CALN1: variants seen among roughly 807,000 people sequenced by gnomAD.
The protein encoded by CALN1 is calcium-binding protein 8.
Under a neutral mutation model 30.6 loss-of-function variants are expected in CALN1, and 17 were observed. The ratio of observed to expected loss-of-function variants is 0.56; its 90% confidence interval spans 0.38 to 0.83. The LOEUF is 0.83. Ranked by LOEUF, CALN1 falls within the 40% of genes least tolerant of loss-of-function variation. CALN1 has a pLI of 0.00. For missense variants in CALN1, 291 were observed against 354.9 expected (o/e 0.82, Z 1.45); for synonymous variants, 156 against 131.4 (o/e 1.19, Z -1.28).
intron 2 of CALN1, among the ~76,000 whole-genome samples, chr7:72,308,493 T>C (rs947945322): frequency 6.6e-6 from 1 of 151,776 alleles, no homozygotes; most frequent in Admixed American, 6.6e-5. Flanking sequence ...TCAAGCCCAA[T>C]GTCAGATATA....
At chr7:72,344,440 C>A (rs1397244126) in intron 2 of CALN1, among the ~76,000 whole-genome samples, 2 of 151,484 alleles carry the variant, frequency 1.3e-5, no homozygotes, top group Non-Finnish European at 2.9e-5. Context: ...ATGTATGGTG[C>A]CACTTTTGAA....
intron 2 of CALN1, among the ~76,000 whole-genome samples, chr7:72,399,654 C>T (rs147326182): frequency 3.3e-3 from 508 of 152,212 alleles, no homozygotes; most frequent in Non-Finnish European, 6.1e-3. Context: ...CAACTTAAGC[C>T]TTAATAGCAA....
intron 3 of CALN1, among the ~76,000 whole-genome samples, chr7:72,244,867 A>G (rs1354750735): frequency 1.3e-5 from 2 of 152,134 alleles, no homozygotes; most frequent in Non-Finnish European, 2.9e-5. Flanking sequence ...GAGAGAGAGG[A>G]AAAGCAAATT....
intron 3 of CALN1, among the ~76,000 whole-genome samples, chr7:72,167,691 G>C (rs1788626526): frequency 6.6e-6 from 1 of 152,170 alleles, no homozygotes; most frequent in South Asian, 2.1e-4. Flanking sequence ...TGAATTTGAA[G>C]AATCATTTAA....
chr7:71,830,824 A>C (rs559887341), intron 5 of CALN1, among the ~76,000 whole-genome samples: 118 of 152,290 alleles, frequency 7.7e-4, no homozygotes, highest in African/African-American at 2.8e-3. Flanking sequence ...TGTTATGTGG[A>C]TAGAACTCTT....
intron 2 of CALN1, among the ~76,000 whole-genome samples, chr7:72,382,756 G>A (rs1804980120): frequency 6.6e-6 from 1 of 152,092 alleles, no homozygotes; most frequent in African/African-American, 2.4e-5. Context: ...TAGCATGATA[G>A]TCTCCCAGGT....
chr7:71,852,464 C>T (rs1263463895), intron 5 of CALN1, among the ~76,000 whole-genome samples: 1 of 130,658 alleles, frequency 7.7e-6, no homozygotes. Context: ...TAGTGAGACC[C>T]TGTCTCTAAA....
chr7:72,249,474 T>C (rs1795403952), intron 3 of CALN1, among the ~76,000 whole-genome samples: 1 of 151,418 alleles, frequency 6.6e-6, no homozygotes, highest in South Asian at 2.1e-4. Context: ...AAGGCACACT[T>C]TTCCCCCAGA....
intron 5 of CALN1, among the ~76,000 whole-genome samples, chr7:71,947,583 C>T (rs1796469640): frequency 6.6e-6 from 1 of 152,038 alleles, no homozygotes; most frequent in Admixed American, 6.6e-5. Flanking sequence ...GTTTTTTCTT[C>T]TTCTAAAAAT....
At chr7:72,025,904 C>T (rs1041893781) in intron 4 of CALN1, among the ~76,000 whole-genome samples, 1 of 152,006 alleles carries the variant, frequency 6.6e-6, no homozygotes, top group Admixed American at 6.6e-5. Context: ...AACAGATTGT[C>T]CAGGAACAGA....
chr7:71,876,830 C>T (rs908365023), intron 5 of CALN1, among the ~76,000 whole-genome samples: 14 of 152,128 alleles, frequency 9.2e-5, no homozygotes, highest in South Asian at 4.1e-4. Flanking sequence ...ACTAATGCTC[C>T]GACCCACCAC....
In CALN1 at chr7:71,902,938, T is replaced by A. The variant is rs144776988; in HGVS notation, c.502-92446A>T. Among the ~76,000 whole-genome samples the A allele has an allele frequency of 2.6e-3, 401 of 151,856 alleles. 5 individuals carry two copies. The highest frequency in any genetic ancestry group is 0.014 in the Middle Eastern group (4 of 294). On this transcript the variant is annotated intron_variant, in intron 5 of 6. Coordinates refer to ENST00000395275, the MANE Select transcript of CALN1 (RefSeq NM_031468.4). ...GCTAAACAGTGTATACACATGGACATAGAGAGTAGAATAGTAGACATTGGA... is the reference window on the plus strand; with the variant it reads ...GCTAAACAGTGTATACACATGGACAAAGAGAGTAGAATAGTAGACATTGGA...
chr7:71,994,474 T>C (rs1451572212), intron 5 of CALN1, among the ~76,000 whole-genome samples: 1 of 134,494 alleles, frequency 7.4e-6, no homozygotes, highest in Non-Finnish European at 1.5e-5. Context: ...ATCGTGCCAC[T>C]GCACTCCACC....
intron 4 of CALN1, among the ~76,000 whole-genome samples, chr7:72,027,758 C>A (rs867485858): frequency 1.2e-4 from 16 of 133,136 alleles, no homozygotes; most frequent in South Asian, 2.4e-4. Context: ...CACACACACA[C>A]AAAAACACAT....
chr7:72,430,356 G>C (rs1039337478), intron 1 of CALN1, among the ~76,000 whole-genome samples: 24 of 149,068 alleles, frequency 1.6e-4, no homozygotes, highest in Non-Finnish European at 2.5e-4. Flanking sequence ...TAAATTCTAA[G>C]ACCTAGGTAT....
chr7:72,345,493 G>GAGGGAGAGAGGA (rs1446304878), intron 2 of CALN1, among the ~76,000 whole-genome samples: 1 of 146,660 alleles, frequency 6.8e-6, no homozygotes, highest in African/African-American at 2.5e-5. Flanking sequence ...GGAAGGGAGA[G>GAGGGAGAGAGGA]AGGGAGAGAG....
At chr7:71,949,139 A>T (rs1001827276) in intron 5 of CALN1, among the ~76,000 whole-genome samples, 1 of 151,958 alleles carries the variant, frequency 6.6e-6, no homozygotes, top group African/African-American at 2.4e-5. Context: ...GAATGGCCAT[A>T]AATATTGTGG....
chr7:72,401,215 A>G (rs1806315755), intron 2 of CALN1, among the ~76,000 whole-genome samples: 1 of 152,128 alleles, frequency 6.6e-6, no homozygotes, highest in Non-Finnish European at 1.5e-5. Flanking sequence ...CAACCAAAGA[A>G]CTGAAGGGCA....
chr7:72,018,373 C>G (rs534606081), intron 5 of CALN1, among the ~76,000 whole-genome samples: 1 of 152,270 alleles, frequency 6.6e-6, no homozygotes, highest in South Asian at 2.1e-4. Flanking sequence ...CTTCCCTCCT[C>G]TCCTCTCTGC....
Sources: allele counts gnomAD v4.1 joint callset (sites outside exome capture counted in the v4.1 genomes callset), GRCh38; gene constraint gnomAD v4.1.1; transcripts MANE v1.5; gene names NCBI Gene and HGNC (gene_info 2026-07-23, HGNC 2026-07-21).